The following RIT2 variants were observed in gnomAD, a reference collection of about 807,000 sequenced individuals.
The protein encoded by RIT2 is Ras like without CAAX 2.
Under a neutral mutation model 23.7 loss-of-function variants are expected in RIT2, and 24 were observed. That is an observed-to-expected ratio of 1.01 (90% CI 0.73 to 1.43). The LOEUF is 1.43. Among genes scored for constraint, RIT2 ranks in the 40% most tolerant of loss-of-function variants. RIT2 has a pLI of 0.00. For synonymous variants in RIT2, 107 were observed against 91.1 expected, an observed-to-expected ratio of 1.17 and a Z score of -0.99; for missense variants, 236 against 266.9, an observed-to-expected ratio of 0.88 and a Z score of 0.81.
At chr18:42,979,224 CAT>C (rs1910541247) in intron 2 of RIT2, among the ~76,000 whole-genome samples, 1 of 151,608 alleles carries the variant, frequency 6.6e-6, no homozygotes, top group Admixed American at 6.6e-5. Context: ...TCAGAATAAA[CAT>C]ATTCATTTAC....
At chr18:43,102,646 T>G (rs1362296707) in intron 1 of RIT2, among the ~76,000 whole-genome samples, 1 of 151,798 alleles carries the variant, frequency 6.6e-6, no homozygotes, top group Non-Finnish European at 1.5e-5. Context: ...CAGCATTTAT[T>G]TATTTATTTA....
At chr18:42,953,104 C>T (rs1009130683) in intron 3 of RIT2, among the ~76,000 whole-genome samples, 1 of 151,800 alleles carries the variant, frequency 6.6e-6, no homozygotes, top group Admixed American at 6.6e-5. Flanking sequence ...TATTTTGTTT[C>T]TTCCCAAAAT....
chr18:42,822,845 C>T (rs1856973670), intron 4 of RIT2, among the ~76,000 whole-genome samples: 1 of 152,124 alleles, frequency 6.6e-6, no homozygotes, highest in Non-Finnish European at 1.5e-5. Context: ...AAAGCATCTG[C>T]ATGAAATTCA....
chr18:42,790,725 G>A (rs1040846226), intron 4 of RIT2, among the ~76,000 whole-genome samples: 6 of 152,240 alleles, frequency 3.9e-5, no homozygotes, highest in African/African-American at 1.4e-4. Flanking sequence ...CACTGAGCCC[G>A]GCCCTTTATT....
At chr18:42,845,112 CA>C (rs948729001) in intron 4 of RIT2, among the ~76,000 whole-genome samples, 12 of 144,878 alleles carry the variant, frequency 8.3e-5, no homozygotes, top group African/African-American at 2.0e-4. Flanking sequence ...TGCAATTCAG[CA>C]AAAAAAAAAT....
rs959230566 is a variant in RIT2 at position 43,115,488 on chromosome 18, G to A, written c.32C>T (p.Pro11Leu). The change falls in exon 1 of 5, where the codon CCG becomes CTG. Residue 11 changes from proline (P) to leucine (L), a missense_variant. By Grantham distance (98) the Pro-to-Leu change is moderately conservative. Transcript: ENST00000326695. ...TCTGGACCCGCCTGATGCGCTGCCC[G>A]GGGAGCAGCTGGCTTCATTTTCTAC... The part of the protein sequence containing the change: MEVENEASCS[P>L]GSASGGSREY... 18 of 1,613,148 alleles carry A rather than the reference G, an allele frequency of 1.1e-5. No individual in the cohort carries two copies. Among genetic ancestry groups the A allele is most frequent in the African/African-American group, 5.3e-5 (4 of 74,826 alleles).
At chr18:43,053,056 G>A (rs1467914133) in intron 1 of RIT2, among the ~76,000 whole-genome samples, 2 of 152,002 alleles carry the variant, frequency 1.3e-5, no homozygotes, top group Non-Finnish European at 2.9e-5. Flanking sequence ...AGTACTGTCT[G>A]GCATATGTTC....
At chr18:43,011,634 T>C (rs978686103) in intron 2 of RIT2, among the ~76,000 whole-genome samples, 19 of 151,818 alleles carry the variant, frequency 1.3e-4, no homozygotes, top group Admixed American at 1.3e-4. Flanking sequence ...TTCCTAGGCC[T>C]AATTGAAGAA....
At chr18:42,877,449 G>C (rs1161929036) in intron 4 of RIT2, among the ~76,000 whole-genome samples, 1 of 149,528 alleles carries the variant, frequency 6.7e-6, no homozygotes, top group Non-Finnish European at 1.5e-5. Flanking sequence ...CTGGGTTCTG[G>C]TCTAGATTCT....
At chr18:42,908,482 C>A (rs1250556482) in intron 4 of RIT2, among the ~76,000 whole-genome samples, 1 of 152,124 alleles carries the variant, frequency 6.6e-6, no homozygotes, top group Non-Finnish European at 1.5e-5. Context: ...TAAAACTACA[C>A]CAATCACATT....
intron 4 of RIT2, among the ~76,000 whole-genome samples, chr18:42,820,868 C>A (rs1227043473): frequency 6.6e-6 from 1 of 152,084 alleles, no homozygotes; most frequent in African/African-American, 2.4e-5. Context: ...AAAATGTGAT[C>A]TGAAATTTTG....
chr18:42,784,739 A>G (rs1386824111), intron 4 of RIT2, among the ~76,000 whole-genome samples: 1 of 152,092 alleles, frequency 6.6e-6, no homozygotes, highest in African/African-American at 2.4e-5. Context: ...TGTCTCAAAT[A>G]CCTTAGTAAT....
chr18:42,966,585 A>G (rs1910229333), intron 3 of RIT2, among the ~76,000 whole-genome samples: 1 of 152,164 alleles, frequency 6.6e-6, no homozygotes, highest in Non-Finnish European at 1.5e-5. Context: ...ATTCACTATG[A>G]GAGAAAGCTA....
At chr18:42,850,860 A>C (rs889111952) in intron 4 of RIT2, among the ~76,000 whole-genome samples, 2 of 152,048 alleles carry the variant, frequency 1.3e-5, no homozygotes, top group African/African-American at 2.4e-5. Context: ...CCATCTCTGA[A>C]ATTACTGTCA....
chr18:42,881,181 C>A (rs1355941752), intron 4 of RIT2, among the ~76,000 whole-genome samples: 1 of 152,164 alleles, frequency 6.6e-6, no homozygotes, highest in East Asian at 1.9e-4. Context: ...AATGGTAACA[C>A]AACCTACCCA....
chr18:42,939,427 T>A (rs1474266945), intron 3 of RIT2, among the ~76,000 whole-genome samples: 7 of 152,154 alleles, frequency 4.6e-5, no homozygotes, highest in Non-Finnish European at 1.0e-4. Flanking sequence ...ACCAATATAC[T>A]TTAGCAACTA....
At chr18:42,848,950 C>A (rs1214441616) in intron 4 of RIT2, among the ~76,000 whole-genome samples, 1 of 152,110 alleles carries the variant, frequency 6.6e-6, no homozygotes, top group Non-Finnish European at 1.5e-5. Flanking sequence ...GCCTTCTATC[C>A]ACTTGTACTT....
At chr18:42,885,818 T>C (rs778952950) in intron 4 of RIT2, among the ~76,000 whole-genome samples, 1 of 152,222 alleles carries the variant, frequency 6.6e-6, no homozygotes, top group Admixed American at 6.5e-5. Context: ...ATTTCTGTGA[T>C]TCTGATTTAA....
chr18:42,978,120 T>A (rs1910514528), intron 2 of RIT2, among the ~76,000 whole-genome samples: 1 of 151,986 alleles, frequency 6.6e-6, no homozygotes, highest in Admixed American at 6.6e-5. Context: ...AAGAAGAGCC[T>A]GCTGAGGCCA....
Sources: gnomAD v4.1 joint callset for allele counts (sites outside exome capture counted in the v4.1 genomes callset) on GRCh38, gnomAD v4.1.1 for gene constraint, MANE v1.5 for transcripts, NCBI Gene and HGNC (gene_info 2026-07-23, HGNC 2026-07-21) for gene names.